RYR2: variants seen among roughly 807,000 people sequenced by gnomAD.
RYR2 encodes the protein cardiac muscle ryanodine receptor-calcium release channel.
RYR2 carries 227 observed loss-of-function variants against 601.1 expected under a neutral mutation model. That is an observed-to-expected ratio of 0.38 (90% CI 0.34 to 0.42). RYR2 has a LOEUF of 0.42. Among genes scored for constraint, RYR2 ranks in the 10% least tolerant of loss-of-function variants. RYR2 has a pLI of 1.00. For missense variants in RYR2, 4,646 were observed against 6,156.5 expected (o/e 0.75, Z 8.21); for synonymous variants, 2,223 against 2,175.1 (o/e 1.02, Z -0.61).
intron 1 of RYR2, among the ~76,000 whole-genome samples, chr1:237,152,215 TG>T (rs1167307528): frequency 1.3e-5 from 2 of 152,248 alleles, no homozygotes; most frequent in East Asian, 3.8e-4. Flanking sequence ...TAGTATTCCA[TG>T]GTGTATATGT....
intron 3 of RYR2, among the ~76,000 whole-genome samples, chr1:237,337,485 CAT>C (rs1697355059): frequency 6.6e-6 from 1 of 152,100 alleles, no homozygotes; most frequent in Non-Finnish European, 1.5e-5. Context: ...GGTTAAAGCT[CAT>C]AGATTATAGT....
At chr1:237,646,505 T>C (rs762414328) in intron 48 of RYR2, among the ~76,000 whole-genome samples, 6 of 152,178 alleles carry the variant, frequency 3.9e-5, no homozygotes, top group Non-Finnish European at 7.3e-5. Flanking sequence ...GACAACTCAA[T>C]TGGTCTATAA....
chr1:237,711,948 T>G, intron 71 of RYR2, 111 bp downstream of exon 71: 1 of 657,622 alleles, frequency 1.5e-6, no homozygotes, highest in Non-Finnish European at 2.7e-6. Flanking sequence ...CTGACAGATT[T>G]GGTAATGTTA....
At chr1:237,558,868 T>A (rs1014454046) in intron 27 of RYR2, among the ~76,000 whole-genome samples, 1 of 152,166 alleles carries the variant, frequency 6.6e-6, no homozygotes, top group African/African-American at 2.4e-5. Context: ...TCAGTGCAAA[T>A]CTGTTGTTGA....
chr1:237,566,883 G>T, intron 28 of RYR2, 108 bp downstream of exon 28: 1 of 1,114,838 alleles, frequency 9.0e-7, no homozygotes, highest in Admixed American at 1.9e-5. Flanking sequence ...CAGCACAAAC[G>T]TGGAAAAATA....
chr1:237,677,222 G>A (rs141153983), intron 60 of RYR2, among the ~76,000 whole-genome samples: 469 of 152,192 alleles, frequency 3.1e-3, no homozygotes, highest in African/African-American at 0.011. Flanking sequence ...ATATCTGGAA[G>A]CTCTGCTTAC....
chr1:237,131,724 C>A (rs1672190558), intron 1 of RYR2, among the ~76,000 whole-genome samples: 1 of 151,870 alleles, frequency 6.6e-6, no homozygotes, highest in Non-Finnish European at 1.5e-5. Context: ...GCTTTCAAAT[C>A]TGCATTTTTT....
intron 94 of RYR2, 75 bp downstream of exon 94, chr1:237,792,398 C>CGTGTGTGTGTGTGTGCAT (rs1658544832): frequency 4.9e-5 from 24 of 489,876 alleles, no homozygotes; most frequent in East Asian, 3.6e-4. Context: ...TGTGTGTGTG[C>CGTGTGTGTGTGTGTGCAT]GTGTGTGTGT....
intron 25 of RYR2, among the ~76,000 whole-genome samples, chr1:237,548,088 A>C (rs952428210): frequency 6.6e-6 from 1 of 152,230 alleles, no homozygotes; most frequent in Non-Finnish European, 1.5e-5. Context: ...AATCTCTAAA[A>C]TATTTCAATA....
At chr1:237,541,795 G>A (rs1004760087) in intron 25 of RYR2, among the ~76,000 whole-genome samples, 1 of 152,062 alleles carries the variant, frequency 6.6e-6, no homozygotes, top group Non-Finnish European at 1.5e-5. Context: ...TGTTCAGTGG[G>A]GGAGCTTTTT....
intron 1 of RYR2, among the ~76,000 whole-genome samples, chr1:237,244,815 A>AT (rs1686624552): frequency 2.0e-5 from 3 of 151,902 alleles, no homozygotes; most frequent in African/African-American, 4.8e-5. Flanking sequence ...CAGACAACGT[A>AT]CCGCTTGAAT....
intron 99 of RYR2, among the ~76,000 whole-genome samples, chr1:237,806,686 A>G (rs1660667498): frequency 6.6e-6 from 1 of 152,176 alleles, no homozygotes; most frequent in Non-Finnish European, 1.5e-5. Context: ...TGACCCACTC[A>G]TTGTATTCGT....
chr1:237,454,442 T>C lies in RYR2; in HGVS notation c.1344T>C (p.Pro448=), dbSNP rs772076225. ...CGAAGGCTTCCACAGTCGATTTGCC[T>C]ATAGAGTCCGTAAGCCTAAGTCTGC... ...KKAKASTVDL[P]IESVSLSLQD... is the part of the protein sequence containing the mutation. The change falls in exon 15 of 105, where the codon CCT becomes CCC. Residue 448 remains proline, a synonymous_variant. Transcript: ENST00000366574. 5.0e-6 allele frequency: 8 copies of C among 1,613,494 alleles called. No homozygotes were observed. The highest frequency in any genetic ancestry group is 5.9e-6 in the Non-Finnish European group (7 of 1,179,654).
chr1:237,461,055 A>G (rs1334858243), intron 16 of RYR2, among the ~76,000 whole-genome samples: 1 of 152,204 alleles, frequency 6.6e-6, no homozygotes, highest in Non-Finnish European at 1.5e-5. Context: ...ATAGCAAAGA[A>G]TGTTATGGAT....
intron 16 of RYR2, among the ~76,000 whole-genome samples, chr1:237,463,114 A>G (rs1315073761): frequency 3.3e-5 from 5 of 152,008 alleles, no homozygotes; most frequent in African/African-American, 4.8e-5. Flanking sequence ...TATTTTTTTC[A>G]GGCTTAGGAG....
chr1:237,292,726 A>G (rs1006485144), intron 2 of RYR2, among the ~76,000 whole-genome samples: 1 of 152,208 alleles, frequency 6.6e-6, no homozygotes, highest in Non-Finnish European at 1.5e-5. Flanking sequence ...AAAATTCTGC[A>G]GAAGAAATTG....
intron 1 of RYR2, among the ~76,000 whole-genome samples, chr1:237,051,057 A>C (rs1166970775): frequency 6.6e-6 from 1 of 152,100 alleles, no homozygotes; most frequent in Non-Finnish European, 1.5e-5. Flanking sequence ...AATTCAGTTA[A>C]ATTAGTTCAT....
chr1:237,733,038 C>T (rs1690826919), intron 78 of RYR2, among the ~76,000 whole-genome samples: 2 of 152,110 alleles, frequency 1.3e-5, no homozygotes, highest in African/African-American at 4.8e-5. Flanking sequence ...CTTATTATTT[C>T]CTAACTAACA....
intron 1 of RYR2, among the ~76,000 whole-genome samples, chr1:237,213,334 C>T (rs1682798124): frequency 6.6e-6 from 1 of 152,048 alleles, no homozygotes; most frequent in Non-Finnish European, 1.5e-5. Context: ...TGCACCACCA[C>T]ACCCAGCTAA....
Sources: allele counts gnomAD v4.1 joint callset (sites outside exome capture counted in the v4.1 genomes callset), GRCh38; gene constraint gnomAD v4.1.1; transcripts MANE v1.5; gene names NCBI Gene and HGNC (gene_info 2026-07-23, HGNC 2026-07-21).